Variants in PCDHGA1 observed in about 807,000 individuals in gnomAD.
The protein encoded by PCDHGA1 is protocadherin gamma-A1.
Under a neutral mutation model 58.0 loss-of-function variants are expected in PCDHGA1, and 32 were observed. The ratio of observed to expected loss-of-function variants is 0.55; its 90% CI spans 0.42 to 0.74. The LOEUF (loss-of-function observed/expected upper bound fraction) is 0.74. PCDHGA1 is among the 30% of genes least tolerant of loss of function. PCDHGA1 has a pLI of 0.00. For missense variants in PCDHGA1, 1,205 were observed against 1,182.3 expected, an observed-to-expected ratio of 1.02 and a Z score of -0.28; for synonymous variants, 498 against 501.1, an observed-to-expected ratio of 0.99 and a Z score of 0.08.
At chr5:141,395,494 T>G in intron 1 of PCDHGA1, 3 of 484,122 alleles carry the variant, frequency 6.2e-6, no homozygotes, top group Middle Eastern at 5.6e-4. Context: ...TTATCACTCA[T>G]TCACTTAAGA....
chr5:141,408,669 C>T lies in PCDHGA1; in HGVS notation c.2421+75564C>T, dbSNP rs2095146839. ...GCTGGTACACGACTATCGCTTGACCCTGCCACGGATCCTGATATAAACATA... is the reference window on the plus strand; with the variant it reads ...GCTGGTACACGACTATCGCTTGACCTTGCCACGGATCCTGATATAAACATA... On this transcript the variant is annotated intron_variant, in intron 1 of 3. Transcript: ENST00000517417. The T allele has an allele frequency of 2.5e-6, 4 of 1,613,988 alleles. No homozygotes were observed. Among genetic ancestry groups the T allele is most frequent in the South Asian group, 2.2e-5 (2 of 91,078 alleles).
intron 1 of PCDHGA1, among the ~76,000 whole-genome samples, chr5:141,443,131 A>G (rs1042010214): frequency 7.2e-5 from 11 of 152,144 alleles, no homozygotes; most frequent in Non-Finnish European, 1.6e-4. Context: ...GATTAAGAAC[A>G]CTATCATAAG....
Position 141,376,478 on chromosome 5 carries a change from G to A in PCDHGA1, c.2421+43373G>A, listed in dbSNP as rs761214015. On this transcript the variant is annotated intron_variant, in intron 1 of 3. Coordinates refer to ENST00000517417, the MANE Select transcript of PCDHGA1 (RefSeq NM_018912.3). ...TCTTCTGATAACTCAGGATTTACTT[G>A]AAACGAAAGGAGAACCCAGGCAACT... The A allele has an allele frequency of 1.9e-6, 3 of 1,614,176 alleles. No individual in the cohort carries two copies. The South Asian group carries it at 3.3e-5, about 18-fold the overall frequency.
In PCDHGA1 at chr5:141,490,261, G is replaced by T; in HGVS notation, c.2422-4546G>T. 6.2e-7 allele frequency: 1 copy of T among 1,614,218 alleles called. No individual in the cohort carries two copies. Among genetic ancestry groups the T allele is most frequent in the Non-Finnish European group, 8.5e-7 (1 of 1,180,038 alleles). ...CCACTGTGTGATTCAAGTGGATGTG[G>T]GGGATGTCAATGACAATGCCCCAGA... On this transcript the variant is annotated intron_variant, in intron 1 of 3. Coordinates refer to ENST00000517417, the MANE Select transcript of PCDHGA1 (RefSeq NM_018912.3). The surrounding 1 kb of genome is among the most constrained non-coding windows in gnomAD (Gnocchi z 5.4).
At position 141,357,420 on chromosome 5, in the gene PCDHGA1, T is replaced by C. The variant is rs754113080; in HGVS notation, c.2421+24315T>C. ...TGGCAGGTGTGCCTGCCTCGCACTT[T>C]GTGGGCGTGGACGGGGTTCGGGCTT... On this transcript the variant is annotated intron_variant, in intron 1 of 3. Transcript: ENST00000517417. 1.5e-5 allele frequency: 25 copies of C among 1,614,132 alleles called. No homozygotes were observed. In the East Asian group the frequency reaches 3.8e-4, roughly 24 times the overall value.
At chr5:141,436,764 A>G (rs1248797699) in intron 1 of PCDHGA1, among the ~76,000 whole-genome samples, 1 of 152,214 alleles carries the variant, frequency 6.6e-6, no homozygotes, top group East Asian at 1.9e-4. Flanking sequence ...GGTATAATGG[A>G]ATGATTTGTG....
At position 141,489,481 on chromosome 5, in the gene PCDHGA1, A is replaced by C; in HGVS notation, c.2422-5326A>C. 6.2e-7 allele frequency: 1 copy of C among 1,614,040 alleles called. No homozygotes were observed. The highest frequency in any genetic ancestry group is 8.5e-7 in the Non-Finnish European group (1 of 1,180,004). ...GCGCTATTTTTCCCTGAGCTTGATG[A>C]GTGGTGCCCTGGCAGTGAATCAAAA... is the stretch of plus-strand genomic sequence containing the variant. On this transcript the variant is annotated intron_variant, in intron 1 of 3. Transcript: ENST00000517417. The surrounding 1 kb of genome is among the most constrained non-coding windows in gnomAD (Gnocchi z 4.5).
At chr5:141,387,967 C>A in intron 1 of PCDHGA1, 1 of 1,489,224 alleles carries the variant, frequency 6.7e-7, no homozygotes, top group Non-Finnish European at 9.0e-7. Context: ...TTCTGCCCGG[C>A]GCTCTGTGAG....
Position 141,487,494 on chromosome 5 carries a change from C to A in PCDHGA1, c.2422-7313C>A, listed in dbSNP as rs116370895. On this transcript the variant is annotated intron_variant, in intron 1 of 3. Transcript: ENST00000517417. The surrounding 1 kb of genome is among the most constrained non-coding windows in gnomAD (Gnocchi z 5.0). The stretch of plus-strand genomic sequence containing the variant: ...GGAGGCCACTCTCATGGCTGTACAC[C>A]CTTGGCTTCTGCACCCACTCGGAGT... 1,421 of 1,614,120 alleles carry A rather than the reference C, an allele frequency of 8.8e-4. 3 individuals are homozygous for A. Among genetic ancestry groups the A allele is most frequent in the Non-Finnish European group, 1.2e-3 (1,358 of 1,180,034 alleles).
chr5:141,477,629 C>T lies in PCDHGA1; in HGVS notation c.2422-17178C>T, dbSNP rs1191573380. 6.2e-7 allele frequency: 1 copy of T among 1,614,158 alleles called. No homozygotes were observed. Reference sequence around the variant, plus strand: ...CTTGGAGCAAGGAGCTGAAACCGGGCTAGTGGGTCGCTATTTCACAATAAA... The same window carrying T: ...CTTGGAGCAAGGAGCTGAAACCGGGTTAGTGGGTCGCTATTTCACAATAAA... On this transcript the variant is annotated intron_variant, in intron 1 of 3. Coordinates refer to ENST00000517417, the MANE Select transcript of PCDHGA1 (RefSeq NM_018912.3). The surrounding 1 kb of genome is among the most constrained non-coding windows in gnomAD (Gnocchi z 4.9).
At chr5:141,388,364 G>A (rs749994962) in intron 1 of PCDHGA1, 12 of 1,613,846 alleles carry the variant, frequency 7.4e-6, no homozygotes, top group Middle Eastern at 1.6e-4. Context: ...CCCATGATGC[G>A]GATATTGGTA....
chr5:141,347,437 G>A (rs1409746738), intron 1 of PCDHGA1, among the ~76,000 whole-genome samples: 1 of 152,052 alleles, frequency 6.6e-6, no homozygotes, highest in Non-Finnish European at 1.5e-5. Flanking sequence ...TTAGAGGCAT[G>A]AGCCACCATG....
intron 1 of PCDHGA1, chr5:141,413,804 CCATTCACCACCTGGTCCTCA>C: frequency 1.2e-6 from 2 of 1,613,194 alleles, no homozygotes; most frequent in Non-Finnish European, 1.7e-6. Flanking sequence ...GAGGAAGAGG[CCATTCACCACCTGGTCCTCA>C]CCGCCTCCGA....
chr5:141,394,511 C>T, intron 1 of PCDHGA1: 1 of 1,614,218 alleles, frequency 6.2e-7, no homozygotes. Flanking sequence ...TGTACCCCGC[C>T]CTCCCCACAG....
chr5:141,394,085 C>T, intron 1 of PCDHGA1: 3 of 1,613,886 alleles, frequency 1.9e-6, no homozygotes, highest in Non-Finnish European at 2.5e-6. Flanking sequence ...CAGTGATGGC[C>T]TCAGATCTAG....
chr5:141,464,973 TTC>T (rs2154568681), intron 1 of PCDHGA1, among the ~76,000 whole-genome samples: 1 of 152,092 alleles, frequency 6.6e-6, no homozygotes, highest in East Asian at 1.9e-4. Flanking sequence ...AACTACTGGC[TTC>T]AAGTGATCCT....
At chr5:141,437,862 C>T (rs535370570) in intron 1 of PCDHGA1, among the ~76,000 whole-genome samples, 5 of 152,002 alleles carry the variant, frequency 3.3e-5, no homozygotes, top group African/African-American at 9.6e-5. Context: ...CTTAGCCTCC[C>T]GAGTAGCTGG....
intron 1 of PCDHGA1, among the ~76,000 whole-genome samples, chr5:141,462,771 G>C (rs1295560657): frequency 6.6e-6 from 1 of 152,088 alleles, no homozygotes; most frequent in Non-Finnish European, 1.5e-5. Context: ...CTGGCTTGGG[G>C]TCATAATTTG....
At chr5:141,423,090 G>T in intron 1 of PCDHGA1, 5 of 1,614,022 alleles carry the variant, frequency 3.1e-6, no homozygotes, top group South Asian at 2.2e-5. Context: ...TCGCGGTGGG[G>T]GAGCACACGG....
Sources: gnomAD v4.1 joint callset for allele counts (sites outside exome capture counted in the v4.1 genomes callset) on GRCh38, gnomAD v4.1.1 for gene constraint, Gnocchi (gnomAD v3.1) non-coding constraint, MANE v1.5 for transcripts, NCBI Gene and HGNC (gene_info 2026-07-23, HGNC 2026-07-21) for gene names.